CDH10: variants seen among roughly 807,000 people sequenced by gnomAD.
CDH10 encodes cadherin-10.
CDH10 carries 30 observed loss-of-function variants against 73.1 expected under a neutral mutation model. That is an observed-to-expected ratio of 0.41 (90% CI 0.31 to 0.56). The LOEUF is 0.56. CDH10 is among the 20% of genes least tolerant of loss of function. The pLI is 0.27. For missense variants in CDH10, 815 were observed against 973.7 expected (o/e 0.84, Z 2.17); for synonymous variants, 345 against 348.2 (o/e 0.99, Z 0.10).
intron 2 of CDH10, among the ~76,000 whole-genome samples, chr5:24,580,430 T>C (rs1259627316): frequency 6.6e-6 from 1 of 152,188 alleles, no homozygotes; most frequent in Non-Finnish European, 1.5e-5. Context: ...ATGGAATTAT[T>C]GCTTTCATGA....
chr5:24,533,055 A>C (rs540701987), intron 5 of CDH10, among the ~76,000 whole-genome samples: 2 of 152,140 alleles, frequency 1.3e-5, no homozygotes, highest in African/African-American at 2.4e-5. Flanking sequence ...CATAACAAAA[A>C]AGATAACTTA....
chr5:24,626,371 T>C (rs1240999504), intron 1 of CDH10, among the ~76,000 whole-genome samples: 1 of 152,128 alleles, frequency 6.6e-6, no homozygotes, highest in African/African-American at 2.4e-5. Context: ...ATAGTATGTC[T>C]TTATCTGTTC....
At chr5:24,562,329 T>C (rs1007252913) in intron 2 of CDH10, among the ~76,000 whole-genome samples, 12 of 152,080 alleles carry the variant, frequency 7.9e-5, no homozygotes, top group African/African-American at 2.9e-4. Context: ...CCTGTACTTA[T>C]GAGTGTATTT....
At chr5:24,500,163 A>G (rs1742438272) in intron 8 of CDH10, among the ~76,000 whole-genome samples, 1 of 152,210 alleles carries the variant, frequency 6.6e-6, no homozygotes, top group South Asian at 2.1e-4. Context: ...TGTCACATAC[A>G]AATAGGAAGT....
intron 2 of CDH10, among the ~76,000 whole-genome samples, chr5:24,573,181 G>GA (rs1745460508): frequency 1.3e-5 from 2 of 151,696 alleles, no homozygotes; most frequent in South Asian, 2.1e-4. Flanking sequence ...TAGAGCTCGG[G>GA]AAAAAATTTG....
intron 9 of CDH10, 58 bp from the exon 10 acceptor site, chr5:24,492,983 G>T (rs1742118271): frequency 2.8e-6 from 2 of 720,804 alleles, no homozygotes; most frequent in South Asian, 3.2e-5. Flanking sequence ...GGTATAATCT[G>T]CACTTAAGAT....
At chr5:24,498,582 A>G (rs1742376786) in intron 8 of CDH10, 63 bp from the exon 9 acceptor site, 1 of 1,119,996 alleles carries the variant, frequency 8.9e-7, no homozygotes, top group South Asian at 1.3e-5. Flanking sequence ...TTTAATTTAT[A>G]TAGGCATCTT....
At chr5:24,589,644 G>A (rs993814838) in intron 2 of CDH10, among the ~76,000 whole-genome samples, 2 of 151,904 alleles carry the variant, frequency 1.3e-5, no homozygotes, top group Admixed American at 6.6e-5. Flanking sequence ...GCTTAGAACT[G>A]CATATTTGTT....
intron 9 of CDH10, among the ~76,000 whole-genome samples, chr5:24,496,024 G>A (rs1165329870): frequency 5.3e-5 from 8 of 152,042 alleles, no homozygotes; most frequent in Admixed American, 5.2e-4. Context: ...CTGGAACAAT[G>A]AATGGGTTTT....
rs1745099747 is a variant in CDH10, at chr5:24,564,593, C to T, written c.232-26919G>A. ...AAGTGAGCAAGTCCCCCACGGCCCCCTCCAGGACATTTTTATATCAATCTG... is the reference window on the plus strand; with the variant it reads ...AAGTGAGCAAGTCCCCCACGGCCCCTTCCAGGACATTTTTATATCAATCTG... On this transcript the variant is annotated intron_variant, in intron 2 of 11. Transcript: ENST00000264463. 2.6e-5 allele frequency among the ~76,000 whole-genome samples: 4 copies of T among 152,136 alleles called. 1 individual carries two copies. The South Asian group carries it at 8.3e-4, about 32-fold the overall frequency.
chr5:24,535,353 G>T, intron 4 of CDH10, 74 bp from the exon 5 acceptor site: 1 of 1,382,792 alleles, frequency 7.2e-7, no homozygotes, highest in East Asian at 2.3e-5. Flanking sequence ...TCCACAAAAA[G>T]TATTTTTAAG....
rs913258374 is a variant in CDH10, at chr5:24,491,671, T to A, written c.1781A>T (p.Asn594Ile). 6.2e-7 allele frequency: 1 copy of A among 1,614,030 alleles called. No homozygotes were observed. The highest frequency in any genetic ancestry group is 8.5e-7 in the Non-Finnish European group (1 of 1,179,942). ...GGCTTCAGCACTGCAGGATTGCATG[T>A]TGCCTTGGCTGTCACAAGCACACAC... ...IRVCACDSQG[N>I]MQSCSAEALL... Residue 594 changes from asparagine (N) to isoleucine (I), a missense_variant, in exon 11 of 12, where the codon AAC becomes ATC. By Grantham distance (149) the Asn-to-Ile change is moderately radical. Transcript: ENST00000264463.
chr5:24,493,491 C>A (rs1487849724), intron 9 of CDH10, among the ~76,000 whole-genome samples: 4 of 151,776 alleles, frequency 2.6e-5, no homozygotes, highest in South Asian at 2.1e-4. Flanking sequence ...AAAGGGTAAA[C>A]TCTGATTGAT....
chr5:24,488,467 T>C (rs1741925355), intron 11 of CDH10, among the ~76,000 whole-genome samples: 1 of 152,200 alleles, frequency 6.6e-6, no homozygotes, highest in South Asian at 2.1e-4. Flanking sequence ...AATATTTATC[T>C]TCTGCATTAA....
At chr5:24,614,117 G>A (rs1361011881) in intron 1 of CDH10, among the ~76,000 whole-genome samples, 1 of 152,036 alleles carries the variant, frequency 6.6e-6, no homozygotes, top group Non-Finnish European at 1.5e-5. Flanking sequence ...TCTATTTTAT[G>A]GTCAGTGTCA....
chr5:24,575,260 G>C (rs1329130464), intron 2 of CDH10, among the ~76,000 whole-genome samples: 1 of 62,582 alleles, frequency 1.6e-5, no homozygotes, highest in Non-Finnish European at 6.1e-5. Context: ...TACTCAGGAG[G>C]CTGAGGCATG....
chr5:24,488,132 G>A lies in CDH10; in HGVS notation c.1898C>T (p.Ala633Val). The stretch of plus-strand genomic sequence containing the variant: ...CTCTTTTTTTCGCTGTCTTTTCAGA[G>A]CTGCAAACAGTACTACTATAACTTG... ...ILLVIVVLFA[A>V]LKRQRKKEPL... The change falls in exon 12 of 12, where the codon GCT (alanine) becomes GTT (valine). Residue 633 changes from alanine (A) to valine (V), a missense_variant. Ala to Val is a moderately conservative substitution (Grantham distance 64, BLOSUM62 0). Transcript: ENST00000264463. The A allele has an allele frequency of 6.2e-7, 1 of 1,610,938 alleles. No individual in the cohort carries two copies. Among genetic ancestry groups the A allele is most frequent in the Non-Finnish European group, 8.5e-7 (1 of 1,178,618 alleles).
intron 5 of CDH10, among the ~76,000 whole-genome samples, chr5:24,522,542 C>T (rs7737592): frequency 0.49 from 75,058 of 151,846 alleles, 18,663 homozygotes; most frequent in East Asian, 0.58. Context: ...TGACAGGCGT[C>T]CCTGACTATG....
intron 2 of CDH10, among the ~76,000 whole-genome samples, chr5:24,583,732 G>A (rs1435681600): frequency 2.0e-5 from 3 of 152,090 alleles, no homozygotes; most frequent in Admixed American, 6.5e-5. Flanking sequence ...TGCAATCTCC[G>A]CCTCCCGGCT....
Sources: allele counts gnomAD v4.1 joint callset (sites outside exome capture counted in the v4.1 genomes callset), GRCh38; gene constraint gnomAD v4.1.1; transcripts MANE v1.5; gene names NCBI Gene and HGNC (gene_info 2026-07-23, HGNC 2026-07-21).